Variants in GRIK4 observed in about 807,000 individuals in gnomAD.
GRIK4 encodes glutamate receptor ionotropic, kainate 4.
GRIK4 carries 40 observed loss-of-function variants against 104.9 expected under a neutral mutation model. That is an observed-to-expected ratio of 0.38 (90% CI 0.30 to 0.50). GRIK4 has a LOEUF of 0.50. Ranked by LOEUF, GRIK4 falls within the 20% of genes least tolerant of loss-of-function variation. The probability of loss-of-function intolerance (pLI) is 0.93; values close to 1 mark genes in which losing one functional copy is unlikely to be tolerated. For missense variants in GRIK4, 1,047 were observed against 1,308.1 expected, an observed-to-expected ratio of 0.80 and a Z score of 3.08; for synonymous variants, 485 against 524.9, an observed-to-expected ratio of 0.92 and a Z score of 1.04.
chr11:120,977,175 T>G (rs1944575157), intron 19 of GRIK4, among the ~76,000 whole-genome samples: 1 of 152,204 alleles, frequency 6.6e-6, no homozygotes, highest in South Asian at 2.1e-4. Context: ...AGAGCGTGAT[T>G]CTATTTCAGT....
At chr11:120,772,868 T>C (rs945407054) in intron 3 of GRIK4, among the ~76,000 whole-genome samples, 6 of 151,986 alleles carry the variant, frequency 3.9e-5, no homozygotes, top group African/African-American at 1.5e-4. Flanking sequence ...CATTCATTCA[T>C]CTAGTCATCT....
chr11:120,532,227 A>G (rs2136081980), intron 1 of GRIK4, among the ~76,000 whole-genome samples: 1 of 152,132 alleles, frequency 6.6e-6, no homozygotes, highest in South Asian at 2.1e-4. Flanking sequence ...AGTGACCTGG[A>G]CTCGCTGCTT....
At chr11:120,514,437 G>GC (rs1290960177) in intron 1 of GRIK4, among the ~76,000 whole-genome samples, 1 of 152,162 alleles carries the variant, frequency 6.6e-6, no homozygotes, top group East Asian at 1.9e-4. Flanking sequence ...TGGGTCCCAG[G>GC]CCCCTGGACG....
chr11:120,568,466 C>T (rs911745919), intron 1 of GRIK4, among the ~76,000 whole-genome samples: 1 of 152,022 alleles, frequency 6.6e-6, no homozygotes, highest in Non-Finnish European at 1.5e-5. Flanking sequence ...TGGCCCACTG[C>T]AGCCTCTGCC....
intron 13 of GRIK4, among the ~76,000 whole-genome samples, chr11:120,938,115 G>A (rs765584968): frequency 2.0e-5 from 3 of 152,008 alleles, no homozygotes; most frequent in Non-Finnish European, 4.4e-5. Context: ...CAAGTTTCAG[G>A]TAGGGGTTGG....
At chr11:120,820,021 CT>C (rs761124915) in intron 6 of GRIK4, 101 bp downstream of exon 6, 14 of 1,121,654 alleles carry the variant, frequency 1.2e-5, no homozygotes, top group Non-Finnish European at 1.8e-5. Context: ...GAAGGGGAGG[CT>C]TCCTTCAGAT....
At chr11:120,731,124 G>A (rs1468693753) in intron 3 of GRIK4, among the ~76,000 whole-genome samples, 1 of 152,068 alleles carries the variant, frequency 6.6e-6, no homozygotes, top group East Asian at 1.9e-4. Flanking sequence ...GGGATGGTGG[G>A]CATCCTTGTT....
intron 13 of GRIK4, among the ~76,000 whole-genome samples, chr11:120,915,977 T>C (rs1379801230): frequency 6.6e-6 from 1 of 152,178 alleles, no homozygotes; most frequent in African/African-American, 2.4e-5. Context: ...AAGGGGCATG[T>C]GAGAACTGGT....
At chr11:120,753,568 G>T (rs1009987761) in intron 3 of GRIK4, among the ~76,000 whole-genome samples, 4 of 152,128 alleles carry the variant, frequency 2.6e-5, no homozygotes, top group Non-Finnish European at 5.9e-5. Context: ...GAATTTGAAT[G>T]AGAGACTACA....
chr11:120,973,475 G>C (rs1350398195), intron 19 of GRIK4, among the ~76,000 whole-genome samples: 6 of 152,182 alleles, frequency 3.9e-5, no homozygotes, highest in African/African-American at 1.4e-4. Flanking sequence ...AAGATTTCTG[G>C]GTGCTATCAG....
chr11:120,760,153 A>T (rs1951721853), intron 3 of GRIK4, among the ~76,000 whole-genome samples: 1 of 151,684 alleles, frequency 6.6e-6, no homozygotes, highest in African/African-American at 2.4e-5. Context: ...TCTCCCCCTT[A>T]TCCCCACCTG....
chr11:120,585,638 T>C (rs1321390695), intron 1 of GRIK4, among the ~76,000 whole-genome samples: 1 of 152,186 alleles, frequency 6.6e-6, no homozygotes, highest in African/African-American at 2.4e-5. Flanking sequence ...TAATCCAAGA[T>C]CACAAGTGTT....
intron 3 of GRIK4, among the ~76,000 whole-genome samples, chr11:120,715,630 G>A (rs186949967): frequency 8.5e-5 from 13 of 152,196 alleles, no homozygotes; most frequent in Non-Finnish European, 1.3e-4. Context: ...TTCCCAGTCA[G>A]GTATGGAGAA....
intron 13 of GRIK4, among the ~76,000 whole-genome samples, chr11:120,929,022 C>CGTGT (rs1565445179): frequency 2.0e-5 from 3 of 148,920 alleles, no homozygotes; most frequent in Admixed American, 1.3e-4. Context: ...TGTGTGCGCA[C>CGTGT]ATGTGTGTGT....
chr11:120,846,265 GA>G (rs1212339085), intron 8 of GRIK4, among the ~76,000 whole-genome samples: 1 of 152,220 alleles, frequency 6.6e-6, no homozygotes, highest in Non-Finnish European at 1.5e-5. Flanking sequence ...TTTGCATATG[GA>G]AAATGCTACC....
chr11:120,565,432 G>A (rs2135061585), intron 1 of GRIK4, among the ~76,000 whole-genome samples: 1 of 152,348 alleles, frequency 6.6e-6, no homozygotes, highest in East Asian at 1.9e-4. Context: ...ATAAAAGATG[G>A]CTTTGTATTA....
At chr11:120,530,820 T>A (rs960324875) in intron 1 of GRIK4, among the ~76,000 whole-genome samples, 2 of 152,188 alleles carry the variant, frequency 1.3e-5, no homozygotes, top group African/African-American at 4.8e-5. Flanking sequence ...CAGAGCTGGA[T>A]GGCATTTTGG....
intron 1 of GRIK4, among the ~76,000 whole-genome samples, chr11:120,595,640 C>A (rs1190088413): frequency 1.3e-5 from 2 of 152,154 alleles, no homozygotes; most frequent in African/African-American, 4.8e-5. Context: ...TAGTCTCTGT[C>A]ACTTTTTAGT....
At chr11:120,853,407 A>G (rs553758180) in intron 8 of GRIK4, among the ~76,000 whole-genome samples, 15 of 152,324 alleles carry the variant, frequency 9.8e-5, no homozygotes, top group Middle Eastern at 3.4e-3. Context: ...AAGGAGGAGA[A>G]ACCAATGAGT....
Sources: allele counts gnomAD v4.1 joint callset (sites outside exome capture counted in the v4.1 genomes callset), GRCh38; gene constraint gnomAD v4.1.1; transcripts MANE v1.5; gene names NCBI Gene and HGNC (gene_info 2026-07-23, HGNC 2026-07-21).